GABRB1: variants seen among roughly 807,000 people sequenced by gnomAD.
The protein encoded by GABRB1 is gamma-aminobutyric acid type A receptor subunit beta1, also known as gamma-aminobutyric acid receptor subunit beta-1.
GABRB1 carries 17 observed loss-of-function variants against 51.6 expected under a neutral mutation model. The observed-to-expected ratio is 0.33, with a 90% CI of 0.23 to 0.49. The LOEUF (loss-of-function observed/expected upper bound fraction) is 0.49, where lower values mean the gene tolerates loss of function less well. Ranked by LOEUF, GABRB1 falls within the 20% of genes least tolerant of loss-of-function variation. The pLI, the probability that GABRB1 is intolerant of heterozygous loss-of-function variation, is 0.99. For synonymous variants in GABRB1, 247 were observed against 218.9 expected, an observed-to-expected ratio of 1.13 and a Z score of -1.14; for missense variants, 410 against 600.6, an observed-to-expected ratio of 0.68 and a Z score of 3.32.
intron 3 of GABRB1, among the ~76,000 whole-genome samples, chr4:47,056,936 T>C (rs1179112045): frequency 1.3e-5 from 2 of 152,030 alleles, no homozygotes; most frequent in African/African-American, 2.4e-5. Flanking sequence ...TGAAACCCTG[T>C]CTCTACTGAA....
At chr4:47,117,931 G>A (rs1414572963) in intron 3 of GABRB1, among the ~76,000 whole-genome samples, 2 of 152,148 alleles carry the variant, frequency 1.3e-5, no homozygotes, top group African/African-American at 4.8e-5. Flanking sequence ...TTGTTACATA[G>A]GCTTTCTAAG....
At chr4:47,108,199 C>A (rs1715052070) in intron 3 of GABRB1, among the ~76,000 whole-genome samples, 1 of 151,960 alleles carries the variant, frequency 6.6e-6, no homozygotes. Context: ...ATTAATTCTG[C>A]AAAAGGTTTC....
intron 5 of GABRB1, among the ~76,000 whole-genome samples, chr4:47,352,859 C>T (rs1381224118): frequency 2.6e-5 from 4 of 152,190 alleles, no homozygotes; most frequent in Non-Finnish European, 5.9e-5. Context: ...TCTTTCCCAG[C>T]ATGTTTCTAG....
intron 4 of GABRB1, among the ~76,000 whole-genome samples, chr4:47,187,570 G>A (rs761022241): frequency 1.3e-5 from 2 of 151,928 alleles, no homozygotes; most frequent in South Asian, 2.1e-4. Context: ...ACAATTTAGC[G>A]TGAAATTATA....
chr4:47,077,375 A>G (rs910515998), intron 3 of GABRB1, among the ~76,000 whole-genome samples: 1 of 152,230 alleles, frequency 6.6e-6, no homozygotes, highest in African/African-American at 2.4e-5. Context: ...CAAAATAGTC[A>G]TTAAGCCACC....
chr4:47,367,987 C>T (rs1479740068), intron 5 of GABRB1, among the ~76,000 whole-genome samples: 2 of 152,134 alleles, frequency 1.3e-5, no homozygotes, highest in Non-Finnish European at 1.5e-5. Flanking sequence ...AAGTATCTAT[C>T]GCAACAGTAA....
intron 3 of GABRB1, among the ~76,000 whole-genome samples, chr4:47,131,293 G>A (rs1471221136): frequency 6.6e-6 from 1 of 151,994 alleles, no homozygotes; most frequent in Non-Finnish European, 1.5e-5. Flanking sequence ...CGAGTATCTG[G>A]GATTACAGGC....
intron 1 of GABRB1, among the ~76,000 whole-genome samples, chr4:47,004,593 A>C (rs1724330636): frequency 6.6e-6 from 1 of 152,196 alleles, no homozygotes; most frequent in African/African-American, 2.4e-5. Context: ...GATATACTTT[A>C]GGGTTGAATG....
intron 4 of GABRB1, among the ~76,000 whole-genome samples, chr4:47,259,999 T>A (rs1403034162): frequency 3.1e-5 from 1 of 31,946 alleles, no homozygotes; most frequent in African/African-American, 2.2e-4. Context: ...GCTTTATGAA[T>A]CTGATGCTCC....
chr4:47,177,492 A>C (rs913664069), intron 4 of GABRB1, among the ~76,000 whole-genome samples: 25 of 152,128 alleles, frequency 1.6e-4, no homozygotes, highest in African/African-American at 6.0e-4. Flanking sequence ...TGGAAGCTTC[A>C]AAGAATATGT....
At position 47,032,479 on chromosome 4, in the gene GABRB1, A is replaced by C. The variant is rs1484062950; in HGVS notation, c.235A>C (p.Asn79His). ...VASIDMVSEV[N>H]MDYTLTMYFQ... ...CAGCATAGACATGGTCTCCGAAGTGAATATGGTGAGTGGCCTCCCGAGGGG... is the reference window on the plus strand; with the variant it reads ...CAGCATAGACATGGTCTCCGAAGTGCATATGGTGAGTGGCCTCCCGAGGGG... Residue 79 changes from asparagine to histidine, a missense_variant, in exon 3 of 9, where the codon AAT becomes CAT. Physicochemically the swap from Asn to His is moderately conservative, Grantham distance 68 (BLOSUM62 1). This residue lies in a region of GABRB1 where 100 missense variants were observed against 184.3 expected (regional missense o/e 0.54). Transcript: ENST00000295454. 6.2e-7 allele frequency: 1 copy of C among 1,613,544 alleles called. No individual in the cohort carries two copies. The highest frequency in any genetic ancestry group is 1.3e-5 in the African/African-American group (1 of 74,904).
chr4:47,339,348 G>T (rs539075132), intron 5 of GABRB1, among the ~76,000 whole-genome samples: 4 of 152,282 alleles, frequency 2.6e-5, no homozygotes, highest in Non-Finnish European at 4.4e-5. Context: ...GCATTGAGCT[G>T]TTGAAAGCTC....
intron 4 of GABRB1, among the ~76,000 whole-genome samples, chr4:47,216,631 C>A (rs1422375931): frequency 2.0e-5 from 3 of 151,706 alleles, no homozygotes; most frequent in Non-Finnish European, 3.0e-5. Context: ...TGGAATAATC[C>A]AATGGCAAAT....
chr4:47,233,465 A>G, intron 4 of GABRB1, among the ~76,000 whole-genome samples: 1 of 152,132 alleles, frequency 6.6e-6, no homozygotes, highest in Non-Finnish European at 1.5e-5. Flanking sequence ...TTGAACTTTT[A>G]TAACTTCTCT....
chr4:47,268,606 T>C (rs1396439700), intron 4 of GABRB1, among the ~76,000 whole-genome samples: 1 of 152,180 alleles, frequency 6.6e-6, no homozygotes, highest in Non-Finnish European at 1.5e-5. Flanking sequence ...ACTTAGTCAT[T>C]AATGCATCCA....
At chr4:47,259,957 GTCTAAGTCTCTT>G (rs1289284761) in intron 4 of GABRB1, among the ~76,000 whole-genome samples, 2 of 151,644 alleles carry the variant, frequency 1.3e-5, no homozygotes, top group Non-Finnish European at 2.9e-5. Flanking sequence ...TTATATGGGA[GTCTAAGTCTCTT>G]TGTAGGTCAC....
chr4:47,110,154 A>T (rs1421597484), intron 3 of GABRB1, among the ~76,000 whole-genome samples: 1 of 152,188 alleles, frequency 6.6e-6, no homozygotes, highest in Non-Finnish European at 1.5e-5. Flanking sequence ...AATCACAGCA[A>T]GATTGTTGTG....
intron 4 of GABRB1, among the ~76,000 whole-genome samples, chr4:47,299,284 C>T (rs1356610270): frequency 6.6e-6 from 1 of 152,038 alleles, no homozygotes; most frequent in Admixed American, 6.6e-5. Context: ...AAAGAAACTA[C>T]CATCAGAGTG....
At chr4:47,201,105 A>G (rs1719880517) in intron 4 of GABRB1, among the ~76,000 whole-genome samples, 1 of 152,158 alleles carries the variant, frequency 6.6e-6, no homozygotes, top group Non-Finnish European at 1.5e-5. Context: ...TGAACTGTGC[A>G]ATATTTTAAA....
Sources: gnomAD v4.1 joint callset for allele counts (sites outside exome capture counted in the v4.1 genomes callset) on GRCh38, gnomAD v4.1.1 for gene constraint, gnomAD v4.1.1 regional missense constraint, MANE v1.5 for transcripts, NCBI Gene and HGNC (gene_info 2026-07-23, HGNC 2026-07-21) for gene names.